The following FBN1 variants were observed in gnomAD, a reference collection of about 807,000 sequenced individuals.
FBN1 encodes fibrillin-1.
FBN1 carries 29 observed loss-of-function variants against 365.1 expected under a neutral mutation model. The observed-to-expected ratio is 0.08, with a 90% CI of 0.06 to 0.11. The LOEUF (loss-of-function observed/expected upper bound fraction) is 0.11. Among genes scored for constraint, FBN1 ranks in the 10% least tolerant of loss-of-function variants. The pLI is 1.00. For synonymous variants in FBN1, 1,210 were observed against 1,270.5 expected (o/e 0.95, Z 1.01); for missense variants, 2,476 against 3,703.2 (o/e 0.67, Z 8.60).
intron 18 of FBN1, among the ~76,000 whole-genome samples, chr15:48,497,822 T>C (rs2043621018): frequency 6.6e-6 from 1 of 152,212 alleles, no homozygotes; most frequent in African/African-American, 2.4e-5. Flanking sequence ...AGGTATTATA[T>C]CGTTCTCATG....
rs999595553 is a variant in FBN1 at position 48,603,714 on chromosome 15, C to T, written c.347-3480G>A. ...ATTCTTTACTGGATGCACTAAGTAC[C>T]CCAAGTCAGAAGATATTCCTAAACT... On this transcript the variant is annotated intron_variant, in intron 4 of 65. Coordinates refer to ENST00000316623, the MANE Select transcript of FBN1 (RefSeq NM_000138.5). Among the ~76,000 whole-genome samples, 6 of 152,020 alleles carry T rather than the reference C, an allele frequency of 3.9e-5. 1 individual carries two copies. Among genetic ancestry groups the T allele is most frequent in the African/African-American group, 1.5e-4 (6 of 41,364 alleles).
At chr15:48,527,874 G>C (rs965408073) in intron 8 of FBN1, among the ~76,000 whole-genome samples, 3 of 152,224 alleles carry the variant, frequency 2.0e-5, no homozygotes, top group Admixed American at 2.0e-4. Context: ...AATTTCATTA[G>C]AGTCTGTGAA....
chr15:48,433,965 TC>T, intron 54 of FBN1, among the ~76,000 whole-genome samples: 1 of 152,196 alleles, frequency 6.6e-6, no homozygotes, highest in East Asian at 1.9e-4. Context: ...ATTTAGGAGG[TC>T]TTGGATGAGG....
chr15:48,444,510 C>T (rs2043138929), intron 49 of FBN1, 31 bp downstream of exon 49: 5 of 1,612,474 alleles, frequency 3.1e-6, no homozygotes, highest in Non-Finnish European at 4.2e-6. Context: ...ACCCGACACT[C>T]CTCATTTGCT....
intron 4 of FBN1, among the ~76,000 whole-genome samples, chr15:48,604,561 C>A (rs1227857623): frequency 6.6e-6 from 1 of 152,110 alleles, no homozygotes; most frequent in East Asian, 1.9e-4. Context: ...AATAAACAAA[C>A]AAAATCTAGC....
chr15:48,530,021 G>A lies in FBN1; in HGVS notation c.863-3766C>T, dbSNP rs372412321. Reference sequence around the variant, plus strand: ...AATTCTTATCCATGCTGCATCCGCCGCCCGATCACAACTTGAAAATGGAGT... The same window carrying A: ...AATTCTTATCCATGCTGCATCCGCCACCCGATCACAACTTGAAAATGGAGT... On this transcript the variant is annotated intron_variant, in intron 8 of 65. Coordinates refer to ENST00000316623, the MANE Select transcript of FBN1 (RefSeq NM_000138.5). Among the ~76,000 whole-genome samples, 4 of 2,752 alleles carry A rather than the reference G, an allele frequency of 1.5e-3. No individual in the cohort carries two copies. In the East Asian group the frequency reaches 0.06, roughly 41 times the overall value. 1.8% of individuals were successfully genotyped at this position (2,752 alleles called of 152,430 possible).
chr15:48,532,411 C>CAT (rs1003604590), intron 8 of FBN1, among the ~76,000 whole-genome samples: 2 of 151,392 alleles, frequency 1.3e-5, no homozygotes, highest in South Asian at 2.1e-4. Flanking sequence ...AAGTTAATGT[C>CAT]ATATATATAT....
At chr15:48,597,047 G>A (rs1048525706) in intron 5 of FBN1, among the ~76,000 whole-genome samples, 2 of 152,114 alleles carry the variant, frequency 1.3e-5, no homozygotes, top group African/African-American at 4.8e-5. Flanking sequence ...GCTCTTTCTA[G>A]GCATCTTCGT....
chr15:48,529,672 T>C lies in FBN1; in HGVS notation c.863-3417A>G, dbSNP rs1374288024. The C allele has an allele frequency of 2.6e-5, 4 of 152,226 alleles. No individual in the cohort carries two copies. The East Asian group carries it at 7.7e-4, about 29-fold the overall frequency. 9.4% of individuals were successfully genotyped at this position (152,226 alleles called of 1,614,324 possible). ...CTGTGGCAGCTGTTTAAAAGTAACATGTGACACACTAATGATCATGAATGC... is the reference window on the plus strand; with the variant it reads ...CTGTGGCAGCTGTTTAAAAGTAACACGTGACACACTAATGATCATGAATGC... On this transcript the variant is annotated intron_variant, in intron 8 of 65. Transcript: ENST00000316623.
intron 64 of FBN1, among the ~76,000 whole-genome samples, chr15:48,414,832 C>T (rs923223076): frequency 5.3e-5 from 8 of 149,860 alleles, no homozygotes; most frequent in African/African-American, 1.5e-4. Flanking sequence ...GGAGGCAGAG[C>T]TTGCAGTGAG....
At chr15:48,618,162 A>G (rs1038982866) in intron 2 of FBN1, among the ~76,000 whole-genome samples, 1 of 152,106 alleles carries the variant, frequency 6.6e-6, no homozygotes, top group Non-Finnish European at 1.5e-5. Context: ...ACAACAAAGG[A>G]CACCCAACTT....
chr15:48,520,888 G>A (rs936615106), intron 9 of FBN1, 71 bp from the exon 10 acceptor site: 59 of 1,597,596 alleles, frequency 3.7e-5, no homozygotes, highest in South Asian at 2.0e-4. Flanking sequence ...TCCCCTGCCC[G>A]AGCAGCTCCA....
intron 6 of FBN1, among the ~76,000 whole-genome samples, chr15:48,585,366 G>A (rs886480067): frequency 2.6e-5 from 4 of 152,186 alleles, no homozygotes; most frequent in Admixed American, 6.5e-5. Context: ...AGAGACAAAA[G>A]ATTATCACCG....
intron 8 of FBN1, among the ~76,000 whole-genome samples, chr15:48,528,685 A>G (rs1302165151): frequency 6.6e-6 from 1 of 152,184 alleles, no homozygotes; most frequent in Non-Finnish European, 1.5e-5. Context: ...GTCATAGTGC[A>G]CACCTCCCTG....
At position 48,452,636 on chromosome 15, in the gene FBN1, C is replaced by T. The variant is rs1597537858; in HGVS notation, c.5471G>A (p.Cys1824Tyr). 1 of 1,614,022 alleles carries T rather than the reference C, an allele frequency of 6.2e-7. No individual in the cohort carries two copies. The highest frequency in any genetic ancestry group is 1.7e-5 in the Admixed American group (1 of 60,010). ...GCGGTAGCTGCCTGCAGTGTTGATG[C>T]ATTCGGCGTTGCGCTGGCACACTGG... ...NGPVCQRNAE[C>Y]INTAGSYRCD... is the part of the protein sequence containing the mutation. Residue 1824 changes from cysteine (C) to tyrosine (Y), a missense_variant, in exon 45 of 66, where the codon TGC becomes TAC. This residue lies in a region of FBN1 where 1,780 missense variants were observed against 2,840.8 expected (regional missense o/e 0.63). Coordinates refer to ENST00000316623, the MANE Select transcript of FBN1 (RefSeq NM_000138.5).
chr15:48,431,004 T>G (rs1472102437), intron 55 of FBN1, among the ~76,000 whole-genome samples: 1 of 152,146 alleles, frequency 6.6e-6, no homozygotes, highest in Non-Finnish European at 1.5e-5. Flanking sequence ...CTTGAAGAAA[T>G]TGCTCCCTAA....
Position 48,460,477 on chromosome 15 carries a change from T to A in FBN1, c.5225-160A>T, listed in dbSNP as rs193211234. 9.2e-4 allele frequency among the ~76,000 whole-genome samples: 140 copies of A among 152,356 alleles called. 1 individual carries two copies. Among genetic ancestry groups the A allele is most frequent in the Admixed American group, 4.9e-3 (75 of 15,300 alleles). ...AACCTGAAAATTCCTACAGATATAA[T>A]CTTGCCTGTAAGACAAATATTGAAG... On this transcript the variant is annotated intron_variant, in intron 42 of 65. Coordinates refer to ENST00000316623, the MANE Select transcript of FBN1 (RefSeq NM_000138.5).
At chr15:48,519,031 A>G (rs866717286) in intron 10 of FBN1, among the ~76,000 whole-genome samples, 2 of 152,194 alleles carry the variant, frequency 1.3e-5, no homozygotes, top group African/African-American at 4.8e-5. Context: ...AACCTGCTCT[A>G]GTCCTCTTCT....
At chr15:48,499,280 C>T (rs1202947809) in intron 17 of FBN1, among the ~76,000 whole-genome samples, 1 of 152,186 alleles carries the variant, frequency 6.6e-6, no homozygotes, top group Non-Finnish European at 1.5e-5. Flanking sequence ...TTGTGCAAAG[C>T]CCTTTCGGAA....
Sources: allele counts gnomAD v4.1 joint callset (sites outside exome capture counted in the v4.1 genomes callset), GRCh38; gene constraint gnomAD v4.1.1; regional missense constraint gnomAD v4.1.1; transcripts MANE v1.5; gene names NCBI Gene and HGNC (gene_info 2026-07-23, HGNC 2026-07-21).